Variants in ITGA9 observed in about 807,000 individuals in gnomAD.
ITGA9 encodes the protein integrin subunit alpha 9.
A neutral mutation model predicts 127.8 loss-of-function variants in ITGA9; 56 were observed. The observed-to-expected ratio is 0.44, with a 90% CI of 0.35 to 0.55. ITGA9 has a LOEUF of 0.55. Ranked by LOEUF, ITGA9 falls within the 20% of genes least tolerant of loss-of-function variation. The probability of loss-of-function intolerance (pLI) is 0.00; values close to 1 mark genes in which losing one functional copy is unlikely to be tolerated. For synonymous variants in ITGA9, 508 were observed against 514.5 expected, an observed-to-expected ratio of 0.99 and a Z score of 0.17; for missense variants, 1,196 against 1,347.1, an observed-to-expected ratio of 0.89 and a Z score of 1.76.
chr3:37,743,971 AG>A lies in ITGA9; in HGVS notation c.2371del (p.Ala791ProfsTer109). The A allele has an allele frequency of 6.2e-7, 1 of 1,614,138 alleles. No homozygotes were observed. The highest frequency in any genetic ancestry group is 8.5e-7 in the Non-Finnish European group (1 of 1,179,958). On this transcript the variant is annotated frameshift_variant, in exon 22 of 28. Coordinates refer to ENST00000264741, the MANE Select transcript of ITGA9 (RefSeq NM_002207.3). LOFTEE classifies it high-confidence loss of function. ...TTGTATATGGCGAGTCCGTGGACGCAGCCAACTTCATTCAGCTGGATGACCT... is the reference window on the plus strand; with the variant it reads ...TTGTATATGGCGAGTCCGTGGACGCACCAACTTCATTCAGCTGGATGACCT... ...SFVYGESVDA[A>X]NFIQLDDLEC...
rs1007805456 is a variant in ITGA9 at position 37,818,776 on chromosome 3, C to A, written c.3010-115C>A. The stretch of plus-strand genomic sequence containing the variant: ...TCTCTAATCCGAGGGGTCCTCCAAG[C>A]CTCCCCAGCCCTGTGAGTGCAGGTC... On this transcript the variant is annotated intron_variant, in intron 27 of 27. Coordinates refer to ENST00000264741, the MANE Select transcript of ITGA9 (RefSeq NM_002207.3). 3.9e-6 allele frequency: 3 copies of A among 769,052 alleles called. No homozygotes were observed. The African/African-American group carries it at 5.1e-5, about 13-fold the overall frequency. 47.6% of individuals were successfully genotyped at this position (769,052 alleles called of 1,614,324 possible).
At chr3:37,677,482 A>G (rs377066874) in intron 17 of ITGA9, among the ~76,000 whole-genome samples, 1 of 152,376 alleles carries the variant, frequency 6.6e-6, no homozygotes, top group Non-Finnish European at 1.5e-5. Context: ...ATTTGTAAAG[A>G]GATGACACCT....
chr3:37,603,417 A>T (rs1381044832), intron 15 of ITGA9, among the ~76,000 whole-genome samples: 3 of 152,192 alleles, frequency 2.0e-5, no homozygotes, highest in African/African-American at 7.2e-5. Flanking sequence ...TGCAAATTCT[A>T]CACCATTTTA....
At chr3:37,773,178 A>T (rs2125548196) in intron 23 of ITGA9, among the ~76,000 whole-genome samples, 1 of 152,326 alleles carries the variant, frequency 6.6e-6, no homozygotes, top group South Asian at 2.1e-4. Flanking sequence ...AACCTGAAGC[A>T]CCGATGTGCA....
At chr3:37,817,195 G>T (rs1376432997) in intron 27 of ITGA9, among the ~76,000 whole-genome samples, 1 of 152,220 alleles carries the variant, frequency 6.6e-6, no homozygotes, top group Admixed American at 6.5e-5. Context: ...TGACAGCTGG[G>T]TTTGCTTCAC....
chr3:37,526,086 T>C lies in ITGA9; in HGVS notation c.1373+15T>C. ...GTTCTTCTCAGGTGAGAGGCCCCAC[T>C]CTTGCTCCTTGAATTGTGCTGTTCA... On this transcript the variant is annotated intron_variant, in intron 13 of 27. Transcript: ENST00000264741. 6.2e-7 allele frequency: 1 copy of C among 1,611,178 alleles called. No homozygotes were observed. Among genetic ancestry groups the C allele is most frequent in the Non-Finnish European group, 8.5e-7 (1 of 1,177,328 alleles).
At chr3:37,481,459 T>C in intron 3 of ITGA9, 25 bp from the exon 4 acceptor site, 1 of 1,614,140 alleles carries the variant, frequency 6.2e-7, no homozygotes. Flanking sequence ...ACTTTCCTGC[T>C]CTCAACTGCT....
chr3:37,781,753 T>TA (rs1696978198), intron 25 of ITGA9, among the ~76,000 whole-genome samples: 1 of 152,214 alleles, frequency 6.6e-6, no homozygotes, highest in African/African-American at 2.4e-5. Context: ...TATCCACGTG[T>TA]GAATGAATAA....
rs535625568 is a variant in ITGA9, at chr3:37,668,956, GA to G, written c.1917-14908del. 3.5e-3 allele frequency among the ~76,000 whole-genome samples: 540 copies of G among 152,336 alleles called. 1 individual carries two copies. The highest frequency in any genetic ancestry group is 5.2e-3 in the Non-Finnish European group (357 of 68,020). ...GAAGGTACCTTGTAGAAAACCTCTA[GA>G]TTTTATGAGCTTGTTTCCCTGACTG... On this transcript the variant is annotated intron_variant, in intron 17 of 27. Transcript: ENST00000264741.
At chr3:37,726,793 C>G (rs918747121) in intron 18 of ITGA9, among the ~76,000 whole-genome samples, 2 of 152,198 alleles carry the variant, frequency 1.3e-5, no homozygotes, top group African/African-American at 4.8e-5. Context: ...GGCTCGGTGC[C>G]AGACACTGAG....
At chr3:37,523,689 G>T in intron 12 of ITGA9, 78 bp downstream of exon 12, 1 of 1,018,470 alleles carries the variant, frequency 9.8e-7, no homozygotes, top group Non-Finnish European at 1.6e-6. Flanking sequence ...AGTCTGGTTA[G>T]CAATCATCAC....
chr3:37,730,616 G>T (rs531563181), intron 18 of ITGA9, among the ~76,000 whole-genome samples: 9 of 152,270 alleles, frequency 5.9e-5, no homozygotes, highest in Admixed American at 3.9e-4. Flanking sequence ...CGAGGACAGC[G>T]ATTAACATCT....
intron 16 of ITGA9, among the ~76,000 whole-genome samples, chr3:37,644,519 T>C (rs1436219606): frequency 2.6e-5 from 4 of 152,202 alleles, no homozygotes; most frequent in African/African-American, 9.7e-5. Context: ...CCAAAGGCCC[T>C]GACTTTGCCA....
Position 37,683,871 on chromosome 3 carries a change from T to G in ITGA9, c.1923T>G (p.Asp641Glu), listed in dbSNP as rs761810338. 3 of 1,614,074 alleles carry G rather than the reference T, an allele frequency of 1.9e-6. No individual in the cohort carries two copies. Among genetic ancestry groups the G allele is most frequent in the Non-Finnish European group, 8.5e-7 (1 of 1,179,986 alleles). Residue 641 changes from aspartate to glutamate, a missense_variant, in exon 18 of 28, where the codon GAT (aspartate) becomes GAG (glutamate). Coordinates refer to ENST00000264741, the MANE Select transcript of ITGA9 (RefSeq NM_002207.3). ...TGTCTATTTTTCGTTACAGTATGGATGAGAAAACCCTGTATCTAGCTTTGG... is the reference window on the plus strand; with the variant it reads ...TGTCTATTTTTCGTTACAGTATGGAGGAGAAAACCCTGTATCTAGCTTTGG... ...LQGKLLLSSM[D>E]EKTLYLALGA...
chr3:37,460,698 TC>T (rs1232708111), intron 1 of ITGA9, among the ~76,000 whole-genome samples: 1 of 150,910 alleles, frequency 6.6e-6, no homozygotes, highest in Admixed American at 6.6e-5. Context: ...CACGCCATTC[TC>T]CTGCCTCAGC....
chr3:37,459,494 T>C (rs1486843770), intron 1 of ITGA9, among the ~76,000 whole-genome samples: 1 of 152,248 alleles, frequency 6.6e-6, no homozygotes, highest in African/African-American at 2.4e-5. Flanking sequence ...AACTCATTCA[T>C]AGGTTATATC....
chr3:37,787,363 A>G (rs1295964449), intron 26 of ITGA9, among the ~76,000 whole-genome samples: 2 of 152,106 alleles, frequency 1.3e-5, no homozygotes, highest in Non-Finnish European at 2.9e-5. Flanking sequence ...GTTGCTTAAC[A>G]TCTCGTTGTT....
chr3:37,547,619 G>A (rs1297650538), intron 15 of ITGA9, among the ~76,000 whole-genome samples: 1 of 151,978 alleles, frequency 6.6e-6, no homozygotes, highest in African/African-American at 2.4e-5. Flanking sequence ...TAAGAACTCT[G>A]AGAAAGAGGA....
intron 20 of ITGA9, among the ~76,000 whole-genome samples, chr3:37,741,313 C>T (rs1288909165): frequency 6.6e-6 from 1 of 150,882 alleles, no homozygotes; most frequent in Non-Finnish European, 1.5e-5. Context: ...CAGCAGCTCT[C>T]AGGAGTCAGT....
Sources: allele counts gnomAD v4.1 joint callset (sites outside exome capture counted in the v4.1 genomes callset), GRCh38; gene constraint gnomAD v4.1.1; transcripts MANE v1.5; gene names NCBI Gene and HGNC (gene_info 2026-07-23, HGNC 2026-07-21).